The following GOLGA8A variants were observed in gnomAD, a reference collection of about 807,000 sequenced individuals.
GOLGA8A encodes the protein golgin A8 family member A.
GOLGA8A carries 3 observed loss-of-function variants against 22.1 expected under a neutral mutation model. The ratio of observed to expected loss-of-function variants is 0.14; its 90% CI spans 0.06 to 0.35. GOLGA8A has a LOEUF of 0.35. GOLGA8A is among the 10% of genes least tolerant of loss of function. The pLI, the probability that GOLGA8A is intolerant of heterozygous loss-of-function variation, is 1.00. For synonymous variants in GOLGA8A, 7 were observed against 91.7 expected (o/e 0.08, Z 5.28); for missense variants, 16 against 233.2 (o/e 0.07, Z 6.07).
Position 34,381,240 on chromosome 15 carries a change from C to G in GOLGA8A, c.*171G>C. 1 of 1,100,002 alleles carries G rather than the reference C, an allele frequency of 9.1e-7. No individual in the cohort carries two copies. The highest frequency in any genetic ancestry group is 1.5e-5 in the South Asian group (1 of 68,220). 68.1% of individuals were successfully genotyped at this position (1,100,002 alleles called of 1,614,324 possible). A position where few individuals can be genotyped will look rare whatever the true frequency, so the allele number is the denominator to read the frequency against. On this transcript the variant is annotated 3_prime_UTR_variant, in exon 25 of 25. Transcript: ENST00000359187. ...GAACATCAGTGAGAGCCACAGAGAC[C>G]CACTCTCTTTTAACTTTTTACAAAT... is the stretch of plus-strand genomic sequence containing the variant.
At chr15:34,426,649 G>A (rs1892995949) in intron 2 of GOLGA8A, among the ~76,000 whole-genome samples, 1 of 144,722 alleles carries the variant, frequency 6.9e-6, no homozygotes. Flanking sequence ...CCCGTTGATG[G>A]AGCCAGGGTC....
intron 2 of GOLGA8A, among the ~76,000 whole-genome samples, chr15:34,431,827 C>T (rs1489601026): frequency 6.7e-6 from 1 of 148,172 alleles, no homozygotes; most frequent in Non-Finnish European, 1.5e-5. Flanking sequence ...AAAGTAACTG[C>T]ACTACAACTT....
Position 34,424,712 on chromosome 15 carries a change from T to C in GOLGA8A, c.-1123+10671A>G, listed in dbSNP as rs1031798730. On this transcript the variant is annotated intron_variant, in intron 2 of 24. Coordinates refer to ENST00000359187, the MANE Select transcript of GOLGA8A (RefSeq NM_181077.5). Reference sequence around the variant, plus strand: ...ATGAGAAGAAAATACAAAAGCTCTCTCCTCTCCCCACCCCCAACCCCCACC... The same window carrying C: ...ATGAGAAGAAAATACAAAAGCTCTCCCCTCTCCCCACCCCCAACCCCCACC... Among the ~76,000 whole-genome samples the C allele has an allele frequency of 7.8e-4, 101 of 129,730 alleles. 5 individuals are homozygous for C. Among genetic ancestry groups the C allele is most frequent in the African/African-American group, 1.9e-3 (63 of 33,776 alleles). 85.1% of individuals were successfully genotyped at this position (129,730 alleles called of 152,430 possible). A position where few individuals can be genotyped will look rare whatever the true frequency, so the allele number is the denominator to read the frequency against.
intron 2 of GOLGA8A, chr15:34,417,733 T>C (rs1892630911): frequency 6.8e-6 from 1 of 147,372 alleles, no homozygotes; most frequent in East Asian, 2.1e-4. Context: ...TCCGTACCAA[T>C]GGTATGCAGG....
At chr15:34,418,111 G>T (rs1892647252) in intron 2 of GOLGA8A, 2 of 89,988 alleles carry the variant, frequency 2.2e-5, no homozygotes, top group Non-Finnish European at 2.1e-5. Flanking sequence ...TCAGTTAGTT[G>T]TAGTAACTGT....
rs929542486 is a variant in GOLGA8A, at chr15:34,379,542, TG to T, written c.*1868del. Reference sequence around the variant, plus strand: ...GTTGAAGTTACAAGGACCCAATATCTGCCCTCTTTCAGTGAATGCCGGCAAA... The same window carrying T: ...GTTGAAGTTACAAGGACCCAATATCTCCCTCTTTCAGTGAATGCCGGCAAA... On this transcript the variant is annotated 3_prime_UTR_variant, in exon 25 of 25. Coordinates refer to ENST00000359187, the MANE Select transcript of GOLGA8A (RefSeq NM_181077.5). 2.6e-5 allele frequency: 4 copies of T among 152,650 alleles called. No homozygotes were observed. The highest frequency in any genetic ancestry group is 9.6e-5 in the African/African-American group (4 of 41,454). The allele number at this position is 152,650 out of a possible 1,614,324, so 9.5% of individuals were successfully genotyped here.
At chr15:34,420,243 CT>C (rs1301428986) in intron 2 of GOLGA8A, 1 of 145,554 alleles carries the variant, frequency 6.9e-6, no homozygotes, top group Non-Finnish European at 1.5e-5. Context: ...AACCACGAGC[CT>C]GGGGTATCAC....
chr15:34,399,355 T>TA (rs1566905716), intron 6 of GOLGA8A, among the ~76,000 whole-genome samples, 152 bp from the exon 7 acceptor site: 2 of 95,618 alleles, frequency 2.1e-5, no homozygotes, highest in Non-Finnish European at 4.9e-5. Flanking sequence ...TACAGGACTA[T>TA]GGGTAACTTA....
At position 34,380,563 on chromosome 15, in the gene GOLGA8A, T is replaced by C. The variant is rs190284272; in HGVS notation, c.*848A>G. On this transcript the variant is annotated 3_prime_UTR_variant, in exon 25 of 25. Transcript: ENST00000359187. Reference sequence around the variant, plus strand: ...GGTTTTTCACACCCACAGCCAATGATGGCAGCCTTTCATTCCTCGGAAATA... The same window carrying C: ...GGTTTTTCACACCCACAGCCAATGACGGCAGCCTTTCATTCCTCGGAAATA... The C allele has an allele frequency of 3.3e-5, 5 of 152,418 alleles. No individual in the cohort carries two copies. The East Asian group carries it at 9.6e-4, about 29-fold the overall frequency. The allele number at this position is 152,418 out of a possible 1,614,324, so 9.4% of individuals were successfully genotyped here. A position where few individuals can be genotyped will look rare whatever the true frequency, so the allele number is the denominator to read the frequency against.
At chr15:34,436,967 G>A (rs1325982836) in intron 1 of GOLGA8A, among the ~76,000 whole-genome samples, 1 of 149,570 alleles carries the variant, frequency 6.7e-6, no homozygotes, top group Non-Finnish European at 1.5e-5. Flanking sequence ...AAACTCAGTA[G>A]TTGCCGCCCG....
rs942627255 is a variant in GOLGA8A at position 34,380,031 on chromosome 15, C to T, written c.*1380G>A. 6.6e-6 allele frequency: 1 copy of T among 152,608 alleles called. No individual in the cohort carries two copies. Among genetic ancestry groups the T allele is most frequent in the African/African-American group, 2.4e-5 (1 of 41,446 alleles). The allele number at this position is 152,608 out of a possible 1,614,324, so 9.5% of individuals were successfully genotyped here. On this transcript the variant is annotated 3_prime_UTR_variant, in exon 25 of 25. Transcript: ENST00000359187. ...AGTAGATTGCACCACAGTGTGTAAACATTTTAAGTTGCATAAACTTCTCCT... is the reference window on the plus strand; with the variant it reads ...AGTAGATTGCACCACAGTGTGTAAATATTTTAAGTTGCATAAACTTCTCCT...
chr15:34,437,461 G>T lies in GOLGA8A; in HGVS notation c.-1275C>A, dbSNP rs1425739563. ...CTCGCCGCGCCGCCGTCCTCGCCGC[G>T]CCGCCGTCCTCGCCGCGCCGCCGTC... On this transcript the variant is annotated 5_prime_UTR_variant, in exon 1 of 25. Coordinates refer to ENST00000359187, the MANE Select transcript of GOLGA8A (RefSeq NM_181077.5). 1 of 125,492 alleles carries T rather than the reference G, an allele frequency of 8.0e-6. No individual in the cohort carries two copies. Among genetic ancestry groups the T allele is most frequent in the Non-Finnish European group, 1.7e-5 (1 of 57,532 alleles). 7.8% of individuals were successfully genotyped at this position (125,492 alleles called of 1,614,324 possible).
chr15:34,435,674 T>C (rs1202815944), intron 1 of GOLGA8A, among the ~76,000 whole-genome samples: 2 of 148,700 alleles, frequency 1.3e-5, no homozygotes, highest in Non-Finnish European at 3.0e-5. Flanking sequence ...GGACTCAGCC[T>C]GCAGCTTCTC....
intron 1 of GOLGA8A, among the ~76,000 whole-genome samples, 174 bp from the exon 2 acceptor site, chr15:34,435,645 C>T (rs1157429795): frequency 2.0e-5 from 3 of 149,028 alleles, no homozygotes; most frequent in Admixed American, 6.8e-5. Context: ...CTCCTGCTCA[C>T]ACACACTCAC....
intron 2 of GOLGA8A, chr15:34,416,302 AG>A (rs1892573494): frequency 6.8e-6 from 1 of 148,060 alleles, no homozygotes; most frequent in African/African-American, 2.5e-5. Flanking sequence ...TATATTCACA[AG>A]TGTCTTTAAG....
At chr15:34,436,943 C>G (rs1459549504) in intron 1 of GOLGA8A, among the ~76,000 whole-genome samples, 3 of 149,568 alleles carry the variant, frequency 2.0e-5, no homozygotes, top group African/African-American at 7.4e-5. Context: ...GGAAGTGAAC[C>G]CAGAGGCGAT....
intron 2 of GOLGA8A, among the ~76,000 whole-genome samples, chr15:34,433,612 A>G (rs984181641): frequency 1.3e-5 from 2 of 148,854 alleles, no homozygotes; most frequent in African/African-American, 5.0e-5. Flanking sequence ...GCTAGGTTCC[A>G]GCTCTGGGAC....
intron 2 of GOLGA8A, among the ~76,000 whole-genome samples, chr15:34,435,120 T>C (rs1244042884): frequency 6.7e-6 from 1 of 149,302 alleles, no homozygotes; most frequent in Non-Finnish European, 1.5e-5. Flanking sequence ...GGGGCAGGTA[T>C]GCATGGCAGA....
At chr15:34,400,546 G>C (rs1417883082) in intron 6 of GOLGA8A, among the ~76,000 whole-genome samples, 166 bp downstream of exon 6, 1 of 149,468 alleles carries the variant, frequency 6.7e-6, no homozygotes, top group East Asian at 2.0e-4. Flanking sequence ...TATTTCTTAA[G>C]TTTGGTGTTG....
Sources: allele counts gnomAD v4.1 joint callset (sites outside exome capture counted in the v4.1 genomes callset), GRCh38; gene constraint gnomAD v4.1.1; transcripts MANE v1.5; gene names NCBI Gene and HGNC (gene_info 2026-07-23, HGNC 2026-07-21).